The following CIC variants were observed in gnomAD, a reference collection of about 807,000 sequenced individuals.
The protein encoded by CIC is capicua transcriptional repressor.
CIC carries 18 observed loss-of-function variants against 115.7 expected under a neutral mutation model. That is an observed-to-expected ratio of 0.16 (90% CI 0.11 to 0.23). The LOEUF is 0.23. CIC is among the 10% of genes least tolerant of loss of function. The pLI is 1.00. For synonymous variants in CIC, 1,076 were observed against 923.0 expected (o/e 1.17, Z -3.01); for missense variants, 2,000 against 2,159.3 (o/e 0.93, Z 1.46).
rs373207501 is a variant in CIC, at chr19:42,287,982, C to G, written c.3658+7C>G. ...ACTGCTGCTGCCCCTGGGGGTTAGT[C>G]AGCCCCTTGGCTCTCCCACCCTGCC... On this transcript the variant is annotated splice_region_variant and intron_variant, in intron 7 of 20. Coordinates refer to ENST00000681038, the MANE Select transcript of CIC (RefSeq NM_001386298.1). This position sits in a 1 kb window ranked among gnomAD's most constrained non-coding sequence, Gnocchi z 8.7. 2.3e-5 allele frequency: 36 copies of G among 1,583,122 alleles called. No homozygotes were observed. The highest frequency in any genetic ancestry group is 3.0e-5 in the Non-Finnish European group (35 of 1,165,166).
rs116502076 is a variant in CIC, at chr19:42,285,751, G to A, written c.2795-1020G>A. On this transcript the variant is annotated intron_variant, in intron 2 of 20. Transcript: ENST00000681038. The stretch of plus-strand genomic sequence containing the variant: ...CCCCCAGGGAGCCAGGCAGTGTGAG[G>A]GGAAGCCCACTGGTATCCTAGGCCC... 7.1e-3 allele frequency among the ~76,000 whole-genome samples: 1,085 copies of A among 152,288 alleles called. 24 individuals are homozygous for A. The highest frequency in any genetic ancestry group is 0.025 in the African/African-American group (1,044 of 41,558).
rs777591126 is a variant in CIC, at chr19:42,294,992, C to G, written c.7355C>G (p.Thr2452Ser). The G allele has an allele frequency of 3.1e-6, 5 of 1,597,718 alleles. No individual in the cohort carries two copies. The South Asian group carries it at 5.5e-5, about 18-fold the overall frequency. Residue 2452 changes from threonine to serine, a missense_variant, in exon 21 of 21, where the codon ACC becomes AGC. By Grantham distance (58) the Thr-to-Ser change is moderately conservative. Coordinates refer to ENST00000681038, the MANE Select transcript of CIC (RefSeq NM_001386298.1). ...APLPVPPPTG[T>S]AAAPAPTPSP... The stretch of plus-strand genomic sequence containing the variant: ...CTCCCTGTACCGCCCCCCACTGGCA[C>G]CGCTGCTGCCCCTGCCCCCACTCCC...
At chr19:42,276,778 AC>A (rs771261379) in intron 2 of CIC, among the ~76,000 whole-genome samples, 2 of 151,692 alleles carry the variant, frequency 1.3e-5, no homozygotes, top group Admixed American at 6.6e-5. Flanking sequence ...TATGCCCACA[AC>A]CCCCAACATG....
rs534852169 is a variant in CIC at position 42,270,814 on chromosome 19, T to G, written c.-10-960T>G. On this transcript the variant is annotated intron_variant, in intron 1 of 20. Coordinates refer to ENST00000681038, the MANE Select transcript of CIC (RefSeq NM_001386298.1). This position sits in a 1 kb window ranked among gnomAD's most constrained non-coding sequence, Gnocchi z 4.1. ...CCTGGGGTGTAGCTCTGTGTCCCAC[T>G]GTGTGATGACGTGTGCGTGCTTCTG... Among the ~76,000 whole-genome samples, 1 of 152,112 alleles carries G rather than the reference T, an allele frequency of 6.6e-6. No individual in the cohort carries two copies. Among genetic ancestry groups the G allele is most frequent in the Non-Finnish European group, 1.5e-5 (1 of 67,992 alleles).
intron 2 of CIC, chr19:42,284,411 G>GCCGCGCGCCCCGTGACGGCCC (rs2037451379): frequency 3.4e-5 from 5 of 145,602 alleles, no homozygotes; most frequent in African/African-American, 1.2e-4. Flanking sequence ...TGGCCCCCGT[G>GCCGCGCGCCCCGTGACGGCCC]CCGCGCGCCC....
intron 2 of CIC, among the ~76,000 whole-genome samples, chr19:42,286,040 C>A (rs890634543): frequency 1.3e-5 from 2 of 152,204 alleles, no homozygotes; most frequent in Non-Finnish European, 2.9e-5. Flanking sequence ...GGGCTGGACC[C>A]TGGACTACAG....
chr19:42,285,685 C>T (rs2037587259), intron 2 of CIC, among the ~76,000 whole-genome samples: 1 of 152,198 alleles, frequency 6.6e-6, no homozygotes, highest in Non-Finnish European at 1.5e-5. Context: ...CCTTCTTCAT[C>T]TTCCCCGAGC....
chr19:42,284,572 G>T (rs992341131), intron 2 of CIC: 34 of 321,498 alleles, frequency 1.1e-4, no homozygotes, highest in Non-Finnish European at 1.3e-4. Flanking sequence ...GGCGGCGGGG[G>T]GGGGGGCATG....
In CIC at chr19:42,280,588, A is replaced by ACCCT. The variant is rs578245360; in HGVS notation, c.2794+6019_2794+6022dup. ...GCCGCGTCCTCGGGCTGGGTGGGGT[A>ACCCT]CCCTCCCTCCCACCGCAGACAGCTC... On this transcript the variant is annotated intron_variant, in intron 2 of 20. Transcript: ENST00000681038. This position sits in a 1 kb window ranked among gnomAD's most constrained non-coding sequence, Gnocchi z 4.9. Among the ~76,000 whole-genome samples, 18 of 151,552 alleles carry ACCCT rather than the reference A, an allele frequency of 1.2e-4. No individual in the cohort carries two copies. Among genetic ancestry groups the ACCCT allele is most frequent in the Non-Finnish European group, 2.1e-4 (14 of 67,826 alleles).
At chr19:42,289,114 G>C (rs1480714059) in intron 8 of CIC, 24 bp downstream of exon 8, 17 of 1,613,206 alleles carry the variant, frequency 1.1e-5, no homozygotes, top group East Asian at 2.2e-5. Context: ...GCCCCCTAGT[G>C]GGGGTGGGCA....
In CIC at chr19:42,291,324, T is replaced by C; in HGVS notation, c.5283T>C (p.Ala1761=). Residue 1761 remains alanine, a synonymous_variant, in exon 11 of 21, where the codon GCT becomes GCC. Transcript: ENST00000681038. ...CAGCCCCTGGGACCAAGGCAGCGGC[T>C]CCCAGCGGCCCTGCACCCACCACCA... ...PAPAPGTKAA[A]PSGPAPTTSI... 1 of 1,612,692 alleles carries C rather than the reference T, an allele frequency of 6.2e-7. No homozygotes were observed. Among genetic ancestry groups the C allele is most frequent in the Non-Finnish European group, 8.5e-7 (1 of 1,179,886 alleles).
intron 15 of CIC, 26 bp from the exon 16 acceptor site, chr19:42,292,930 T>A: frequency 3.1e-6 from 5 of 1,613,788 alleles, no homozygotes; most frequent in Non-Finnish European, 4.2e-6. Flanking sequence ...CAGGCCTGGC[T>A]CAGCAAACAA....
rs370737505 is a variant in CIC, at chr19:42,293,662, C to T, written c.6593C>T (p.Pro2198Leu). The T allele has an allele frequency of 2.5e-6, 4 of 1,612,592 alleles. No homozygotes were observed. The highest frequency in any genetic ancestry group is 2.7e-5 in the African/African-American group (2 of 74,942). The change falls in exon 17 of 21, where the codon CCT (proline) becomes CTT (leucine). Residue 2198 changes from proline to leucine, a missense_variant. This residue lies in a region of CIC where 1,466 missense variants were observed against 1,390.4 expected (regional missense o/e 1.05). Transcript: ENST00000681038. ...PGQGLENRGE[P>L]PTPPSPAPAP... ...CAGGGCCTGGAGAATCGTGGGGAGC[C>T]TCCCACTCCTCCCAGCCCGGCCCCA... is the stretch of plus-strand genomic sequence containing the variant.
In CIC at chr19:42,294,976, C is replaced by A; in HGVS notation, c.7339C>A (p.Pro2447Thr). ...TGGAGCTGAGGCTCCTCTCCCTGTA[C>A]CGCCCCCCACTGGCACCGCTGCTGC... is the stretch of plus-strand genomic sequence containing the variant. ...PPGAEAPLPV[P>T]PPTGTAAAPA... The change falls in exon 21 of 21, where the codon CCG (proline) becomes ACG (threonine). Residue 2447 changes from proline (P) to threonine (T), a missense_variant. Physicochemically the swap from Pro to Thr is conservative, Grantham distance 38 (BLOSUM62 -1). Coordinates refer to ENST00000681038, the MANE Select transcript of CIC (RefSeq NM_001386298.1). 6.3e-7 allele frequency: 1 copy of A among 1,599,644 alleles called. No individual in the cohort carries two copies. The highest frequency in any genetic ancestry group is 8.5e-7 in the Non-Finnish European group (1 of 1,179,716).
In CIC at chr19:42,290,270, C is replaced by A. The variant is rs755996095; in HGVS notation, c.4229C>A (p.Ser1410Tyr). ...AAGGTGTTTTCACCTGTGATCCGTT[C>A]CTCCTTTACCCACTGCCGCCCCCCA... ...GRKVFSPVIRSSFTHCRPPLD... is the reference protein window; with the variant it reads ...GRKVFSPVIRYSFTHCRPPLD... The change falls in exon 11 of 21, where the codon TCC becomes TAC. Residue 1410 changes from serine to tyrosine, a missense_variant. Ser to Tyr is a moderately radical substitution (Grantham distance 144). Around this residue, in one of 8 missense-constraint regions of CIC, gnomAD observed 1,466 missense variants for 1,390.4 expected, o/e 1.05. Coordinates refer to ENST00000681038, the MANE Select transcript of CIC (RefSeq NM_001386298.1). 1 of 1,613,954 alleles carries A rather than the reference C, an allele frequency of 6.2e-7. No homozygotes were observed. The highest frequency in any genetic ancestry group is 8.5e-7 in the Non-Finnish European group (1 of 1,179,986).
rs201026251 is a variant in CIC at position 42,292,396 on chromosome 19, G to C, written c.5832G>C (p.Thr1944=). Reference sequence around the variant, plus strand: ...GAACAGTCACCTCGTACGGGCCCACGAGCTCTGTAGCTCTAGGCTTCACCT... The same window carrying C: ...GAACAGTCACCTCGTACGGGCCCACCAGCTCTGTAGCTCTAGGCTTCACCT... ...QAGTVTSYGP[T]SSVALGFTSL... is the part of the protein sequence containing the mutation. The change falls in exon 14 of 21, where the codon ACG becomes ACC. Residue 1944 remains threonine (T), a synonymous_variant. Transcript: ENST00000681038. 7.4e-5 allele frequency: 119 copies of C among 1,612,470 alleles called. No homozygotes were observed. The highest frequency in any genetic ancestry group is 1.8e-4 in the Admixed American group (11 of 59,992).
chr19:42,288,050 C>T (rs1254544469), intron 7 of CIC, 75 bp downstream of exon 7: 21 of 1,502,052 alleles, frequency 1.4e-5, no homozygotes, highest in Non-Finnish European at 1.9e-5. Flanking sequence ...TTGCTTGCTC[C>T]TCCCCTGCCC....
rs954126908 is a variant in CIC, at chr19:42,270,428, C to A, written c.-11+1047C>A. ...TATGGTTCTGGGTCCCCCAACCCTC[C>A]TAGAGGCCTCTGTTTTGGCCTCTCA... On this transcript the variant is annotated intron_variant, in intron 1 of 20. Coordinates refer to ENST00000681038, the MANE Select transcript of CIC (RefSeq NM_001386298.1). This position sits in a 1 kb window ranked among gnomAD's most constrained non-coding sequence, Gnocchi z 4.1. Among the ~76,000 whole-genome samples, 1 of 152,208 alleles carries A rather than the reference C, an allele frequency of 6.6e-6. No homozygotes were observed. The highest frequency in any genetic ancestry group is 2.4e-5 in the African/African-American group (1 of 41,452).
At chr19:42,281,565 G>A (rs2037253363) in intron 2 of CIC, among the ~76,000 whole-genome samples, 1 of 152,154 alleles carries the variant, frequency 6.6e-6, no homozygotes, top group African/African-American at 2.4e-5. Context: ...CCCCAATTAG[G>A]GTTGGGGATG....
Sources: allele counts gnomAD v4.1 joint callset (sites outside exome capture counted in the v4.1 genomes callset), GRCh38; gene constraint gnomAD v4.1.1; regional missense constraint gnomAD v4.1.1; non-coding constraint Gnocchi (gnomAD v3.1); transcripts MANE v1.5; gene names NCBI Gene and HGNC (gene_info 2026-07-23, HGNC 2026-07-21).